KAZN: variants seen among roughly 807,000 people sequenced by gnomAD.
KAZN encodes kazrin.
KAZN carries 40 observed loss-of-function variants against 87.4 expected under a neutral mutation model. The ratio of observed to expected loss-of-function variants is 0.46; its 90% confidence interval spans 0.36 to 0.60. The LOEUF is 0.60. KAZN is among the 20% of genes least tolerant of loss of function. KAZN has a pLI of 0.00. For synonymous variants in KAZN, 466 were observed against 458.3 expected (o/e 1.02, Z -0.22); for missense variants, 898 against 1,073.9 (o/e 0.84, Z 2.29).
intron 8 of KAZN, among the ~76,000 whole-genome samples, chr1:15,093,139 G>A (rs976158211): frequency 1.5e-4 from 23 of 152,120 alleles, no homozygotes; most frequent in Admixed American, 1.0e-3. Context: ...GATGAATCCC[G>A]CGCAGTCAAA....
At chr1:14,369,965 A>C (rs1197486136) in intron 2 of KAZN, among the ~76,000 whole-genome samples, 2 of 152,222 alleles carry the variant, frequency 1.3e-5, no homozygotes, top group African/African-American at 4.8e-5. Context: ...TTACATGCAC[A>C]GTGTAAATCC....
chr1:14,271,827 G>A (rs1342786747), intron 2 of KAZN, among the ~76,000 whole-genome samples: 2 of 152,212 alleles, frequency 1.3e-5, no homozygotes, highest in East Asian at 1.9e-4. Flanking sequence ...GGAGAGCAGG[G>A]CTGTGTATTA....
intron 1 of KAZN, among the ~76,000 whole-genome samples, chr1:13,910,079 TG>T (rs1639594268): frequency 6.6e-6 from 1 of 152,180 alleles, no homozygotes; most frequent in Admixed American, 6.5e-5. Context: ...TCATGTTGAA[TG>T]GTAACCCGCA....
chr1:14,645,817 C>G (rs1002713989), intron 1 of KAZN, among the ~76,000 whole-genome samples: 3 of 152,158 alleles, frequency 2.0e-5, no homozygotes, highest in Non-Finnish European at 4.4e-5. Context: ...GCATCCTTGT[C>G]TTGTGCCAGT....
intron 1 of KAZN, among the ~76,000 whole-genome samples, chr1:14,091,137 TA>T (rs200405948): frequency 0.016 from 2,209 of 140,774 alleles, 44 homozygotes; most frequent in African/African-American, 0.055. Context: ...AAAAAAAGAC[TA>T]GAGGAATTCC....
intron 1 of KAZN, among the ~76,000 whole-genome samples, chr1:14,934,225 T>C (rs1660184056): frequency 6.7e-6 from 1 of 150,096 alleles, no homozygotes. Context: ...TTTTTTTTCT[T>C]TGAGATGGAG....
intron 2 of KAZN, among the ~76,000 whole-genome samples, chr1:14,259,352 G>T (rs1352948491): frequency 6.6e-6 from 1 of 152,092 alleles, no homozygotes; most frequent in Admixed American, 6.6e-5. Flanking sequence ...TGGAGCTGAC[G>T]GAGGCTTGCA....
chr1:14,163,009 C>G (rs76574011), intron 1 of KAZN, among the ~76,000 whole-genome samples: 1 of 151,856 alleles, frequency 6.6e-6, no homozygotes, highest in Non-Finnish European at 1.5e-5. Flanking sequence ...GCTTATCTCT[C>G]TTCTCTTCCA....
At chr1:14,723,253 C>A (rs536934808) in intron 1 of KAZN, among the ~76,000 whole-genome samples, 34 of 152,170 alleles carry the variant, frequency 2.2e-4, no homozygotes, top group Admixed American at 7.9e-4. Flanking sequence ...GACTCCCAGA[C>A]CTTCTACCTG....
intron 2 of KAZN, among the ~76,000 whole-genome samples, chr1:14,562,753 G>A (rs1481219336): frequency 6.6e-5 from 10 of 152,196 alleles, no homozygotes; most frequent in African/African-American, 2.4e-4. Flanking sequence ...AGTGCCCTGT[G>A]TTTATTTTCC....
At chr1:14,347,620 CAA>C (rs1386795332) in intron 2 of KAZN, among the ~76,000 whole-genome samples, 1 of 152,084 alleles carries the variant, frequency 6.6e-6, no homozygotes, top group Non-Finnish European at 1.5e-5. Context: ...CTGCAGTTGT[CAA>C]AAGAGTGTGT....
rs55766387 is a variant in KAZN, at chr1:14,921,153, A to AACACACACACACACACACACAC, written c.227-39517_227-39496dup. Among the ~76,000 whole-genome samples the AACACACACACACACACACACAC allele has an allele frequency of 4.1e-4, 59 of 144,508 alleles. 1 individual carries two copies. The highest frequency in any genetic ancestry group is 3.5e-3 in the East Asian group (17 of 4,804). 94.8% of individuals were successfully genotyped at this position (144,508 alleles called of 152,430 possible). ...TCTGCAGTCCTGGGCCTGAGCATGC[A>AACACACACACACACACACACAC]ACACACACACACACACACACACACA... On this transcript the variant is annotated intron_variant, in intron 1 of 14. Coordinates refer to ENST00000376030, the MANE Select transcript of KAZN (RefSeq NM_201628.3).
At chr1:14,677,073 A>G (rs1251338576) in intron 1 of KAZN, among the ~76,000 whole-genome samples, 1 of 152,166 alleles carries the variant, frequency 6.6e-6, no homozygotes, top group Non-Finnish European at 1.5e-5. Flanking sequence ...TCTAGCATTT[A>G]TTTAGTGCCA....
chr1:14,883,543 A>G (rs989520031), intron 1 of KAZN, among the ~76,000 whole-genome samples: 2 of 151,866 alleles, frequency 1.3e-5, no homozygotes, highest in Middle Eastern at 3.4e-3. Context: ...CAAAGGGAGC[A>G]TTATCTTCAC....
At chr1:14,811,013 G>T (rs1467001799) in intron 1 of KAZN, among the ~76,000 whole-genome samples, 2 of 152,144 alleles carry the variant, frequency 1.3e-5, no homozygotes, top group African/African-American at 2.4e-5. Context: ...CTGCTCTTTG[G>T]TGGCCTCCAA....
intron 2 of KAZN, among the ~76,000 whole-genome samples, chr1:14,218,104 A>G (rs1443121307): frequency 6.6e-6 from 1 of 152,162 alleles, no homozygotes; most frequent in Admixed American, 6.5e-5. Flanking sequence ...TATTTATAGT[A>G]GAAGAATTGC....
At chr1:14,272,865 A>G (rs1260860249) in intron 2 of KAZN, among the ~76,000 whole-genome samples, 1 of 152,078 alleles carries the variant, frequency 6.6e-6, no homozygotes, top group African/African-American at 2.4e-5. Flanking sequence ...CTCAAAAACA[A>G]AAAATAAAAT....
chr1:14,350,154 T>C (rs1277130203), intron 2 of KAZN, among the ~76,000 whole-genome samples: 7 of 120,460 alleles, frequency 5.8e-5, no homozygotes, highest in Non-Finnish European at 5.2e-5. Flanking sequence ...AAAAAAAAAG[T>C]GACAAGAACA....
rs138373427 is a variant in KAZN, at chr1:14,734,713, A to T, written c.226+135490A>T. ...GGCTGATCTCATCGTGTTATATGTG[A>T]CATGGCATGTACATGACATGTAAAG... On this transcript the variant is annotated intron_variant, in intron 1 of 14. Transcript: ENST00000376030. Among the ~76,000 whole-genome samples the T allele has an allele frequency of 2.8e-3, 419 of 152,296 alleles. 3 individuals carry two copies. Among genetic ancestry groups the T allele is most frequent in the African/African-American group, 9.8e-3 (406 of 41,572 alleles).
Sources: allele counts gnomAD v4.1 joint callset (sites outside exome capture counted in the v4.1 genomes callset), GRCh38; gene constraint gnomAD v4.1.1; transcripts MANE v1.5; gene names NCBI Gene and HGNC (gene_info 2026-07-23, HGNC 2026-07-21).